The following SLC39A11 variants were observed in gnomAD, a reference collection of about 807,000 sequenced individuals.
The protein encoded by SLC39A11 is solute carrier family 39 member 11.
A neutral mutation model predicts 36.1 loss-of-function variants in SLC39A11; 33 were observed. That is an observed-to-expected ratio of 0.91 (90% CI 0.69 to 1.22). The LOEUF is 1.22. Ranked by LOEUF, SLC39A11 falls within the 50% of genes most tolerant of loss-of-function variation. SLC39A11 has a pLI of 0.00. For missense variants in SLC39A11, 432 were observed against 430.3 expected (o/e 1.00, Z -0.03); for synonymous variants, 166 against 170.3 (o/e 0.97, Z 0.20).
At chr17:72,970,563 C>G (rs1384916122) in intron 4 of SLC39A11, among the ~76,000 whole-genome samples, 1 of 148,494 alleles carries the variant, frequency 6.7e-6, no homozygotes, top group East Asian at 1.9e-4. Context: ...TAAAGCTACA[C>G]ACACAAAAAA....
chr17:73,015,923 G>A lies in SLC39A11; in HGVS notation c.306+15633C>T, dbSNP rs139805655. On this transcript the variant is annotated intron_variant, in intron 4 of 9. Transcript: ENST00000255559. ...CAAAATGAAAAGAATGAGGAATGGCGGTGCTTTCTCATCTTAGACTATGAC... is the reference window on the plus strand; with the variant it reads ...CAAAATGAAAAGAATGAGGAATGGCAGTGCTTTCTCATCTTAGACTATGAC... Among the ~76,000 whole-genome samples, 206 of 152,146 alleles carry A rather than the reference G, an allele frequency of 1.4e-3. 2 individuals carry two copies. The highest frequency in any genetic ancestry group is 4.7e-3 in the African/African-American group (194 of 41,498).
At chr17:72,699,230 G>A (rs1347611093) in intron 7 of SLC39A11, among the ~76,000 whole-genome samples, 1 of 152,122 alleles carries the variant, frequency 6.6e-6, no homozygotes, top group Non-Finnish European at 1.5e-5. Context: ...ATTGTCTTGG[G>A]CCACACATAA....
At chr17:72,808,637 T>C (rs138442678) in intron 6 of SLC39A11, among the ~76,000 whole-genome samples, 171 of 152,290 alleles carry the variant, frequency 1.1e-3, no homozygotes, top group African/African-American at 4.0e-3. Flanking sequence ...GTCACAAGAT[T>C]TGTGATTTCT....
At chr17:72,938,866 T>C (rs534193113) in intron 5 of SLC39A11, among the ~76,000 whole-genome samples, 1 of 152,316 alleles carries the variant, frequency 6.6e-6, no homozygotes, top group African/African-American at 2.4e-5. Flanking sequence ...AAATTTTGCA[T>C]AAGGAGACTG....
chr17:72,684,413 C>G (rs970607133), intron 7 of SLC39A11, among the ~76,000 whole-genome samples: 5 of 152,228 alleles, frequency 3.3e-5, no homozygotes, highest in Admixed American at 2.6e-4. Flanking sequence ...CAAGCCAGGA[C>G]AGAGGACCTT....
At chr17:72,735,770 G>A (rs1315800709) in intron 7 of SLC39A11, among the ~76,000 whole-genome samples, 2 of 152,116 alleles carry the variant, frequency 1.3e-5, no homozygotes, top group African/African-American at 2.4e-5. Context: ...GGCTTTATGG[G>A]CCTGGGTGGA....
At chr17:72,731,293 T>C (rs2074204485) in intron 7 of SLC39A11, among the ~76,000 whole-genome samples, 1 of 152,164 alleles carries the variant, frequency 6.6e-6, no homozygotes, top group Non-Finnish European at 1.5e-5. Context: ...GTGTAGAGAA[T>C]CCGTCTCTGC....
At chr17:72,815,786 G>A (rs2077562215) in intron 6 of SLC39A11, among the ~76,000 whole-genome samples, 1 of 151,960 alleles carries the variant, frequency 6.6e-6, no homozygotes, top group African/African-American at 2.4e-5. Context: ...GCCAGATGTG[G>A]TAGTGGCCAC....
intron 6 of SLC39A11, among the ~76,000 whole-genome samples, chr17:72,753,515 G>C (rs1490712877): frequency 1.3e-5 from 2 of 152,030 alleles, no homozygotes; most frequent in African/African-American, 4.8e-5. Context: ...TGCTTTATGA[G>C]CATGATAAAT....
intron 3 of SLC39A11, among the ~76,000 whole-genome samples, chr17:73,053,746 G>A (rs1200643549): frequency 1.3e-5 from 2 of 152,138 alleles, no homozygotes; most frequent in African/African-American, 4.8e-5. Flanking sequence ...CCAGCCCATG[G>A]TGCCGACCGC....
chr17:72,932,292 TTTATTA>T (rs544893367), intron 5 of SLC39A11, among the ~76,000 whole-genome samples: 3 of 144,372 alleles, frequency 2.1e-5, no homozygotes, highest in East Asian at 1.9e-4. Context: ...GACCTGTTCT[TTTATTA>T]TTATTATTAT....
At chr17:72,945,848 C>T (rs2085399648) in intron 5 of SLC39A11, among the ~76,000 whole-genome samples, 1 of 152,172 alleles carries the variant, frequency 6.6e-6, no homozygotes, top group African/African-American at 2.4e-5. Flanking sequence ...TGGAAAATGT[C>T]CATCCAAGGG....
chr17:72,809,836 G>A (rs938141216), intron 6 of SLC39A11, among the ~76,000 whole-genome samples: 2 of 152,098 alleles, frequency 1.3e-5, no homozygotes, highest in African/African-American at 4.8e-5. Flanking sequence ...TTAGGAGGCT[G>A]AGGTGGGCAG....
At chr17:72,755,069 T>TC (rs77608766) in intron 6 of SLC39A11, among the ~76,000 whole-genome samples, 98,161 of 129,004 alleles carry the variant, frequency 0.76, 33,751 homozygotes, top group African/African-American at 0.9. Flanking sequence ...ACGGGGACAC[T>TC]CCAGGACTGG....
At chr17:73,031,213 G>A (rs2058728347) in intron 4 of SLC39A11, among the ~76,000 whole-genome samples, 6 of 144,138 alleles carry the variant, frequency 4.2e-5, no homozygotes. Flanking sequence ...TCATCTCCCT[G>A]ATGATGTCAT....
rs537810242 is a variant in SLC39A11, at chr17:72,840,807, G to C, written c.601+8827C>G. On this transcript the variant is annotated intron_variant, in intron 6 of 9. Transcript: ENST00000255559. ...GCAGTGGCTCATGCCCGTAATCCTAGCACTCTGGGAGGCCGAGGCAGGCAG... is the reference window on the plus strand; with the variant it reads ...GCAGTGGCTCATGCCCGTAATCCTACCACTCTGGGAGGCCGAGGCAGGCAG... Among the ~76,000 whole-genome samples, 24 of 151,974 alleles carry C rather than the reference G, an allele frequency of 1.6e-4. No individual in the cohort carries two copies. The East Asian group carries it at 4.7e-3, about 30-fold the overall frequency.
Position 72,654,803 on chromosome 17 carries a change from G to A in SLC39A11, c.672-5535C>T, listed in dbSNP as rs568917256. Among the ~76,000 whole-genome samples, 42 of 152,324 alleles carry A rather than the reference G, an allele frequency of 2.8e-4. 1 individual carries two copies. The South Asian group carries it at 7.9e-3, about 29-fold the overall frequency. On this transcript the variant is annotated intron_variant, in intron 7 of 9. Coordinates refer to ENST00000255559, the MANE Select transcript of SLC39A11 (RefSeq NM_139177.4). Reference sequence around the variant, plus strand: ...CACAGGCAGGCACACGAAGGTAGCCGCAGAGTGACCAGCCCAATGTCACTG... The same window carrying A: ...CACAGGCAGGCACACGAAGGTAGCCACAGAGTGACCAGCCCAATGTCACTG...
intron 7 of SLC39A11, 146 bp downstream of exon 7, chr17:72,736,504 G>A (rs1324778471): frequency 2.5e-5 from 17 of 667,014 alleles, no homozygotes; most frequent in Middle Eastern, 4.1e-4. Context: ...GGCCTTCACC[G>A]GACCCCATGT....
chr17:72,733,725 C>T (rs1431124254), intron 7 of SLC39A11, among the ~76,000 whole-genome samples: 1 of 152,170 alleles, frequency 6.6e-6, no homozygotes, highest in Non-Finnish European at 1.5e-5. Flanking sequence ...CTTTTCTTTT[C>T]CCTCTTGAAA....
Sources: gnomAD v4.1 joint callset for allele counts (sites outside exome capture counted in the v4.1 genomes callset) on GRCh38, gnomAD v4.1.1 for gene constraint, MANE v1.5 for transcripts, NCBI Gene and HGNC (gene_info 2026-07-23, HGNC 2026-07-21) for gene names.